TTC23: variants seen among roughly 807,000 people sequenced by gnomAD.
TTC23 encodes tetratricopeptide repeat protein 23.
Under a neutral mutation model 55.1 loss-of-function variants are expected in TTC23, and 58 were observed. That is an observed-to-expected ratio of 1.05 (90% CI 0.85 to 1.31). The LOEUF is 1.31. TTC23 is among the 50% of genes most tolerant of loss of function. The pLI, the probability that TTC23 is intolerant of heterozygous loss-of-function variation, is 0.00. For synonymous variants in TTC23, 203 were observed against 199.9 expected, an observed-to-expected ratio of 1.02 and a Z score of -0.13; for missense variants, 516 against 534.4, an observed-to-expected ratio of 0.97 and a Z score of 0.34.
At chr15:99,153,937 C>T (rs1207649716) in intron 12 of TTC23, among the ~76,000 whole-genome samples, 4 of 152,108 alleles carry the variant, frequency 2.6e-5, no homozygotes, top group Non-Finnish European at 5.9e-5. Context: ...TTAAAATTCA[C>T]GAGACCACTT....
chr15:99,195,038 A>G (rs2075583270), intron 9 of TTC23, among the ~76,000 whole-genome samples: 1 of 152,252 alleles, frequency 6.6e-6, no homozygotes, highest in Non-Finnish European at 1.5e-5. Context: ...CTTTTTAGAT[A>G]TATCACCAAA....
At chr15:99,251,066 G>T (rs2152114022), upstream of TTC23, 1 of 150,718 alleles carries the variant, frequency 6.6e-6, no homozygotes, top group African/African-American at 2.4e-5. Context: ...CGTGTGCTCT[G>T]AATGAGAAGC....
At chr15:99,170,452 C>A (rs2072762908) in intron 10 of TTC23, among the ~76,000 whole-genome samples, 1 of 152,204 alleles carries the variant, frequency 6.6e-6, no homozygotes, top group Admixed American at 6.5e-5. Context: ...GTACCCCGTA[C>A]AAACAGGTTT....
chr15:99,224,390 T>C (rs550114036), intron 5 of TTC23, among the ~76,000 whole-genome samples: 4 of 152,356 alleles, frequency 2.6e-5, no homozygotes, highest in South Asian at 4.1e-4. Flanking sequence ...TTTTCAAAAA[T>C]AGGTTCATAA....
At chr15:99,156,019 G>T in intron 12 of TTC23, 129 bp downstream of exon 12, 1 of 1,268,454 alleles carries the variant, frequency 7.9e-7, no homozygotes, top group Non-Finnish European at 1.1e-6. Context: ...TACCACAAAA[G>T]TGATGTCATC....
At chr15:99,195,799 T>C (rs1445206963) in intron 9 of TTC23, among the ~76,000 whole-genome samples, 6 of 151,654 alleles carry the variant, frequency 4.0e-5, no homozygotes, top group African/African-American at 9.7e-5. Flanking sequence ...AGGGAGGCTA[T>C]GCATGGTGGG....
intron 11 of TTC23, chr15:99,158,519 G>A (rs1310298374): frequency 6.6e-6 from 1 of 152,360 alleles, no homozygotes; most frequent in Admixed American, 6.5e-5. Context: ...GACTTAGGTG[G>A]GATGAGAAGA....
At chr15:99,201,942 G>C (rs2076234773) in intron 8 of TTC23, among the ~76,000 whole-genome samples, 1 of 152,172 alleles carries the variant, frequency 6.6e-6, no homozygotes, top group Non-Finnish European at 1.5e-5. Flanking sequence ...TTCCGTGGTA[G>C]ACAAAGCTTA....
At chr15:99,149,846 T>C (rs1703762) in intron 12 of TTC23, among the ~76,000 whole-genome samples, 119,538 of 152,172 alleles carry the variant, frequency 0.79, 47,361 homozygotes, top group African/African-American at 0.89. Context: ...TCAGTCCCAC[T>C]GGGAGCCAGC....
At chr15:99,211,027 C>A (rs2076995282) in intron 8 of TTC23, among the ~76,000 whole-genome samples, 1 of 152,130 alleles carries the variant, frequency 6.6e-6, no homozygotes, top group Admixed American at 6.6e-5. Context: ...AACCTCACAA[C>A]TTCAATGAAT....
chr15:99,207,525 C>T lies in TTC23; in HGVS notation c.582-7429G>A, dbSNP rs113813360. ...TGTAATCCCAGCACTTTGGGGAGGC[C>T]GAGGCAGGTGGATCACTTGAGGTCA... On this transcript the variant is annotated intron_variant, in intron 8 of 13. Coordinates refer to ENST00000394132, the MANE Select transcript of TTC23 (RefSeq NM_001288615.3). Among the ~76,000 whole-genome samples the T allele has an allele frequency of 9.8e-3, 1,494 of 152,180 alleles. 28 individuals carry two copies. The highest frequency in any genetic ancestry group is 0.034 in the African/African-American group (1,423 of 41,516).
intron 8 of TTC23, among the ~76,000 whole-genome samples, chr15:99,206,815 T>G (rs28560310): frequency 0.046 from 7,007 of 152,006 alleles, 364 homozygotes; most frequent in African/African-American, 0.12. Context: ...TTATTTGTGC[T>G]TGGATTTTTA....
At position 99,150,976 on chromosome 15, in the gene TTC23, C is replaced by G. The variant is rs1015175049; in HGVS notation, c.1143+5172G>C. Among the ~76,000 whole-genome samples, 3 of 152,156 alleles carry G rather than the reference C, an allele frequency of 2.0e-5. No homozygotes were observed. In the South Asian group the frequency reaches 6.2e-4, roughly 32 times the overall value. ...CCTGGGAATTCCTGTTTCTCTTAGC[C>G]TATACTGTTTTTTTTTCAGGGCTAC... On this transcript the variant is annotated intron_variant, in intron 12 of 13. Coordinates refer to ENST00000394132, the MANE Select transcript of TTC23 (RefSeq NM_001288615.3).
At chr15:99,153,350 C>A (rs568389784) in intron 12 of TTC23, among the ~76,000 whole-genome samples, 11 of 152,310 alleles carry the variant, frequency 7.2e-5, no homozygotes, top group Middle Eastern at 3.4e-3. Context: ...TTGAAGGTGC[C>A]AAGTAACTAT....
intron 9 of TTC23, among the ~76,000 whole-genome samples, chr15:99,197,329 C>T (rs898729205): frequency 6.6e-6 from 1 of 152,078 alleles, no homozygotes; most frequent in African/African-American, 2.4e-5. Flanking sequence ...GTCTTGATCT[C>T]CTGACCTTGT....
chr15:99,246,649 G>A (rs2080266372), intron 1 of TTC23, among the ~76,000 whole-genome samples: 1 of 151,836 alleles, frequency 6.6e-6, no homozygotes, highest in South Asian at 2.1e-4. Context: ...GGGCTGGCGC[G>A]ATGGCTCATG....
chr15:99,220,118 A>G (rs62025696), intron 6 of TTC23, among the ~76,000 whole-genome samples: 14,987 of 152,266 alleles, frequency 0.098, 820 homozygotes, highest in African/African-American at 0.15. Context: ...TGGAGGCAGC[A>G]TAGGGTGAAG....
intron 5 of TTC23, among the ~76,000 whole-genome samples, chr15:99,223,682 A>G (rs1438430609): frequency 6.6e-6 from 1 of 152,236 alleles, no homozygotes; most frequent in South Asian, 2.1e-4. Flanking sequence ...GAAGACCCAC[A>G]TAGAAAGGCC....
upstream of TTC23, chr15:99,251,113 T>C (rs2080706993): frequency 6.6e-6 from 1 of 152,128 alleles, no homozygotes; most frequent in South Asian, 2.1e-4. Flanking sequence ...AAGGAACAGG[T>C]CAGTAACTGG....
Sources: allele counts gnomAD v4.1 joint callset (sites outside exome capture counted in the v4.1 genomes callset), GRCh38; gene constraint gnomAD v4.1.1; transcripts MANE v1.5; gene names NCBI Gene and HGNC (gene_info 2026-07-23, HGNC 2026-07-21).